ELP1: variants seen among roughly 807,000 people sequenced by gnomAD.
The protein encoded by ELP1 is elongator complex protein 1.
In ELP1, 131 loss-of-function variants were observed where a neutral mutation model predicts 183.2. That is an observed-to-expected ratio of 0.72 (90% CI 0.62 to 0.83). ELP1 has a LOEUF of 0.83. ELP1 is among the 40% of genes least tolerant of loss of function. The pLI, the probability that ELP1 is intolerant of heterozygous loss-of-function variation, is 0.00. For synonymous variants in ELP1, 555 were observed against 569.0 expected (o/e 0.98, Z 0.35); for missense variants, 1,550 against 1,594.9 (o/e 0.97, Z 0.48).
rs969266362 is a variant in ELP1, at chr9:108,906,383, C to T, written c.1563G>A (p.Glu521=). The T allele has an allele frequency of 6.2e-7, 1 of 1,614,104 alleles. No individual in the cohort carries two copies. The highest frequency in any genetic ancestry group is 8.5e-7 in the Non-Finnish European group (1 of 1,179,960). ...GGTGAATGACAGACCGGGGGCTGAA[C>T]TCACTGTGGCTTACAGCCAGGAAGA... ...EDVFLAVSHS[E]FSPRSVIHHL... Residue 521 remains glutamate, a synonymous_variant, in exon 14 of 37, where the codon GAG becomes GAA. Coordinates refer to ENST00000374647, the MANE Select transcript of ELP1 (RefSeq NM_003640.5).
At chr9:108,923,038 G>A (rs144955084) in intron 5 of ELP1, 111 bp from the exon 6 acceptor site, 63 of 815,372 alleles carry the variant, frequency 7.7e-5, no homozygotes, top group African/African-American at 6.3e-4. Context: ...GTCCTCTAAC[G>A]CCTCTCAATA....
chr9:108,870,518 G>A (rs1456170035), intron 36 of ELP1, among the ~76,000 whole-genome samples: 2 of 152,232 alleles, frequency 1.3e-5, no homozygotes, highest in African/African-American at 2.4e-5. Flanking sequence ...CGTTGAGTAG[G>A]CTGAAGTAGA....
At chr9:108,932,367 G>GT (rs35710375) in intron 1 of ELP1, among the ~76,000 whole-genome samples, 7,835 of 152,244 alleles carry the variant, frequency 0.051, 308 homozygotes, top group East Asian at 0.12. Flanking sequence ...TTGAGACGGA[G>GT]TTTCGCTCTT....
intron 36 of ELP1, among the ~76,000 whole-genome samples, chr9:108,872,815 A>AC (rs1564207218): frequency 2.8e-4 from 14 of 50,110 alleles, no homozygotes; most frequent in Non-Finnish European, 8.9e-4. Flanking sequence ...AAAAAAAAAA[A>AC]AAAAAAAAAA....
intron 26 of ELP1, among the ~76,000 whole-genome samples, chr9:108,893,321 C>T (rs1416119574): frequency 6.6e-6 from 1 of 152,192 alleles, no homozygotes; most frequent in Non-Finnish European, 1.5e-5. Context: ...AGCTTTCCAG[C>T]CCAGTGTTTT....
chr9:108,882,562 T>C (rs947123885), intron 29 of ELP1, among the ~76,000 whole-genome samples: 6 of 151,690 alleles, frequency 4.0e-5, no homozygotes, highest in Non-Finnish European at 7.4e-5. Context: ...AATAGTAGAC[T>C]AGAATAGCAA....
At chr9:108,869,974 C>T (rs1220298953) in intron 36 of ELP1, among the ~76,000 whole-genome samples, 1 of 152,044 alleles carries the variant, frequency 6.6e-6, no homozygotes, top group East Asian at 1.9e-4. Context: ...TCTGCATATA[C>T]CTTTTTTTTT....
chr9:108,921,662 A>C (rs2132035441), intron 6 of ELP1, among the ~76,000 whole-genome samples: 1 of 151,914 alleles, frequency 6.6e-6, no homozygotes, highest in South Asian at 2.1e-4. Context: ...GTAGTGGATC[A>C]CCCCCAAAGA....
In ELP1 at chr9:108,898,443, CT is replaced by C. The variant is rs150383410; in HGVS notation, c.2363+58del. On this transcript the variant is annotated intron_variant, in intron 22 of 36. Coordinates refer to ENST00000374647, the MANE Select transcript of ELP1 (RefSeq NM_003640.5). ...TCTCTAGCTATTTATGCTTGATTTC[CT>C]TAACAAGAAGAGAGAAAACTATGGA... 8.9e-5 allele frequency: 100 copies of C among 1,128,428 alleles called. 1 individual carries two copies. The African/African-American group carries it at 1.5e-3, about 17-fold the overall frequency. The allele number at this position is 1,128,428 out of a possible 1,614,324, so 69.9% of individuals were successfully genotyped here.
rs768311202 is a variant in ELP1 at position 108,906,476 on chromosome 9, A to G, written c.1470T>C (p.Phe490=). The change falls in exon 14 of 37, where the codon TTT becomes TTC. Residue 490 remains phenylalanine, a synonymous_variant. Transcript: ENST00000374647. ...PHLEKRYKIQ[F]ENNEDQDVNP... ...TTACATCTTGATCTTCATTATTCTC[A>G]AACTGGATTCTATTGTAAATATTGA... 3.7e-6 allele frequency: 6 copies of G among 1,613,244 alleles called. No homozygotes were observed. In the African/African-American group the frequency reaches 8.0e-5, roughly 22 times the overall value.
Position 108,902,906 on chromosome 9 carries a change from G to C in ELP1, c.1787C>G (p.Ser596Cys). The C allele has an allele frequency of 1.2e-6, 2 of 1,613,992 alleles. No individual in the cohort carries two copies. The highest frequency in any genetic ancestry group is 1.7e-6 in the Non-Finnish European group (2 of 1,179,900). Residue 596 changes from serine to cysteine, a missense_variant, in exon 16 of 37, where the codon TCT becomes TGT. Ser to Cys is a moderately radical substitution (Grantham distance 112). Transcript: ENST00000374647. ...PSLAIKPWKN[S>C]GGFPVRFPYP... is the part of the protein sequence containing the mutation. ...AGGAAACCGAACAGGAAATCCACCAGAGTTCTTCCATGGTTTAATAGCCAG... is the reference window on the plus strand; with the variant it reads ...AGGAAACCGAACAGGAAATCCACCACAGTTCTTCCATGGTTTAATAGCCAG...
intron 10 of ELP1, 41 bp downstream of exon 10, chr9:108,916,163 G>C: frequency 6.8e-7 from 1 of 1,467,912 alleles, no homozygotes; most frequent in Non-Finnish European, 9.6e-7. Flanking sequence ...TTTCAACTAC[G>C]TTTTATGGGG....
intron 22 of ELP1, 135 bp downstream of exon 22, chr9:108,898,367 G>T: frequency 1.6e-6 from 1 of 641,890 alleles, no homozygotes; most frequent in Non-Finnish European, 2.7e-6. Context: ...AAACCAACTG[G>T]CATCTAAGAG....
rs1827869321 is a variant in ELP1 at position 108,880,120 on chromosome 9, A to C, written c.3392T>G (p.Phe1131Cys). The C allele has an allele frequency of 6.2e-7, 1 of 1,614,054 alleles. No homozygotes were observed. The highest frequency in any genetic ancestry group is 1.3e-5 in the African/African-American group (1 of 74,940). ...CAATAAACGTTTCTTGTGGCGACTG[A>C]ATGTGGCTGTCTGAGAGTCCAGAAA... ...MAFLDSQTATFSRHKKRLLVV... is the reference protein window; with the variant it reads ...MAFLDSQTATCSRHKKRLLVV... Residue 1131 changes from phenylalanine (F) to cysteine (C), a missense_variant, in exon 32 of 37, where the codon TTC becomes TGC. Coordinates refer to ENST00000374647, the MANE Select transcript of ELP1 (RefSeq NM_003640.5).
At chr9:108,932,829 G>A (rs1053723101) in intron 1 of ELP1, among the ~76,000 whole-genome samples, 1 of 152,028 alleles carries the variant, frequency 6.6e-6, no homozygotes, top group African/African-American at 2.4e-5. Context: ...TTGGACATCT[G>A]CAACCTCCAA....
At chr9:108,887,148 G>C (rs1193010667) in intron 29 of ELP1, among the ~76,000 whole-genome samples, 1 of 152,142 alleles carries the variant, frequency 6.6e-6, no homozygotes, top group African/African-American at 2.4e-5. Context: ...GGTCAAGGTT[G>C]TAGTGAGCTG....
Position 108,868,138 on chromosome 9 carries a change from C to T in ELP1, c.*977G>A, listed in dbSNP as rs914551358. 3.9e-5 allele frequency: 6 copies of T among 152,062 alleles called. No homozygotes were observed. The highest frequency in any genetic ancestry group is 2.1e-4 in the South Asian group (1 of 4,808). 9.4% of individuals were successfully genotyped at this position (152,062 alleles called of 1,614,324 possible). On this transcript the variant is annotated 3_prime_UTR_variant, in exon 37 of 37. Coordinates refer to ENST00000374647, the MANE Select transcript of ELP1 (RefSeq NM_003640.5). ...TTGTTGTTATAGAGACACAAATGGG[C>T]TAAGATACACAGTAAGAAAGGTCTG... is the stretch of plus-strand genomic sequence containing the variant.
At chr9:108,930,495 C>T (rs933675644) in intron 2 of ELP1, among the ~76,000 whole-genome samples, 3 of 152,046 alleles carry the variant, frequency 2.0e-5, no homozygotes, top group African/African-American at 7.2e-5. Context: ...TCAAGACCAT[C>T]CTGGCTAACA....
intron 3 of ELP1, 138 bp from the exon 4 acceptor site, chr9:108,927,591 T>C (rs902700560): frequency 2.7e-6 from 2 of 727,610 alleles, no homozygotes; most frequent in East Asian, 2.7e-5. Context: ...ACTCTCATGT[T>C]TGTTGCAGCT....
Sources: allele counts gnomAD v4.1 joint callset (sites outside exome capture counted in the v4.1 genomes callset), GRCh38; gene constraint gnomAD v4.1.1; transcripts MANE v1.5; gene names NCBI Gene and HGNC (gene_info 2026-07-23, HGNC 2026-07-21).